The following AGBL1 variants were observed in gnomAD, a reference collection of about 807,000 sequenced individuals.
AGBL1 encodes the protein cytosolic carboxypeptidase 4.
A neutral mutation model predicts 118.9 loss-of-function variants in AGBL1; 130 were observed. The observed-to-expected ratio is 1.09, with a 90% confidence interval of 0.95 to 1.26. The LOEUF is 1.26. Among genes scored for constraint, AGBL1 ranks in the 50% most tolerant of loss-of-function variants. AGBL1 has a pLI of 0.00. For missense variants in AGBL1, 1,584 were observed against 1,298.1 expected (o/e 1.22, Z -3.38); for synonymous variants, 555 against 478.9 (o/e 1.16, Z -2.08).
intron 1 of AGBL1, among the ~76,000 whole-genome samples, chr15:86,118,037 T>A (rs1897868717): frequency 6.6e-6 from 1 of 152,236 alleles, no homozygotes; most frequent in African/African-American, 2.4e-5. Flanking sequence ...CACATTAAAC[T>A]GCTATCTCTG....
chr15:86,974,685 T>TA lies in AGBL1; in HGVS notation c.3222-13294dup, dbSNP rs1378648640. On this transcript the variant is annotated intron_variant, in intron 23 of 24. Transcript: ENST00000441037. ...AAAGATCAAAAGGAATAATAGCAAG[T>TA]AAAAAAAACAGTGATCAGAACAGAG... Among the ~76,000 whole-genome samples, 6 of 148,934 alleles carry TA rather than the reference T, an allele frequency of 4.0e-5. No individual in the cohort carries two copies. The South Asian group carries it at 1.1e-3, about 26-fold the overall frequency.
chr15:86,106,493 G>A (rs1431227310), intron 1 of AGBL1, among the ~76,000 whole-genome samples: 1 of 152,204 alleles, frequency 6.6e-6, no homozygotes, highest in Non-Finnish European at 1.5e-5. Context: ...GGGCAATTTT[G>A]CCCCCAGGGG....
chr15:86,262,793 A>G lies in AGBL1; in HGVS notation c.985A>G (p.Thr329Ala). Residue 329 changes from threonine to alanine, a missense_variant, in exon 10 of 23, where the codon ACA becomes GCA. Thr to Ala is a moderately conservative substitution (Grantham distance 58). Coordinates refer to ENST00000614907, the MANE Select transcript of AGBL1 (RefSeq NM_001386094.1). ...DGKVEDDDLETDVNKLSSKPG... is the reference protein window; with the variant it reads ...DGKVEDDDLEADVNKLSSKPG... Reference sequence around the variant, plus strand: ...TCCATTTTAGGATGATGACTTGGAAACAGACGTGAACAAGCTGAGTTCCAA... The same window carrying G: ...TCCATTTTAGGATGATGACTTGGAAGCAGACGTGAACAAGCTGAGTTCCAA... The G allele has an allele frequency of 6.2e-7, 1 of 1,606,406 alleles. No homozygotes were observed.
intron 24 of AGBL1, among the ~76,000 whole-genome samples, chr15:86,992,748 T>C (rs1039476425): frequency 1.3e-5 from 2 of 151,454 alleles, no homozygotes; most frequent in African/African-American, 4.9e-5. Context: ...TTCACCTCCA[T>C]GCCTAATGCT....
intron 4 of AGBL1, among the ~76,000 whole-genome samples, chr15:86,156,794 C>CTTTT (rs773611214): frequency 1.9e-5 from 2 of 105,546 alleles, no homozygotes; most frequent in Admixed American, 9.8e-5. Flanking sequence ...TCTTTTCTTT[C>CTTTT]TTTTTTTTTT....
intron 17 of AGBL1, among the ~76,000 whole-genome samples, chr15:86,354,406 T>C (rs2080680362): frequency 6.6e-6 from 1 of 152,356 alleles, no homozygotes; most frequent in South Asian, 2.1e-4. Flanking sequence ...GGCCTACTCA[T>C]GTTCGTTAGA....
At position 86,241,564 on chromosome 15, in the gene AGBL1, T is replaced by A. The variant is rs540778038; in HGVS notation, c.527-6107T>A. Among the ~76,000 whole-genome samples the A allele has an allele frequency of 3.3e-5, 5 of 152,186 alleles. No homozygotes were observed. In the South Asian group the frequency reaches 6.2e-4, roughly 19 times the overall value. On this transcript the variant is annotated intron_variant, in intron 6 of 22. Coordinates refer to ENST00000614907, the MANE Select transcript of AGBL1 (RefSeq NM_001386094.1). ...AGGCTGGGAAGTCCAAGATCAAGGGTGTGGCATCTGGTGAGGGCCTTCTTG... is the reference window on the plus strand; with the variant it reads ...AGGCTGGGAAGTCCAAGATCAAGGGAGTGGCATCTGGTGAGGGCCTTCTTG...
At chr15:86,417,274 T>C (rs751900747) in intron 18 of AGBL1, among the ~76,000 whole-genome samples, 1 of 152,216 alleles carries the variant, frequency 6.6e-6, no homozygotes, top group African/African-American at 2.4e-5. Flanking sequence ...GTAAGTTGAA[T>C]TACTCTTCTT....
intron 22 of AGBL1, among the ~76,000 whole-genome samples, chr15:86,850,279 TCATC>T (rs58327746): frequency 0.17 from 25,119 of 152,206 alleles, 2,173 homozygotes; most frequent in South Asian, 0.25. Flanking sequence ...ATTCATTTCT[TCATC>T]CATTATTTTA....
At chr15:86,921,146 C>T (rs1389497557), downstream of AGBL1, among the ~76,000 whole-genome samples, 1 of 152,172 alleles carries the variant, frequency 6.6e-6, no homozygotes, top group Non-Finnish European at 1.5e-5. Context: ...AAAGTTGGGA[C>T]ATTTCGAAGT....
chr15:86,108,380 C>T (rs377678889), intron 1 of AGBL1, among the ~76,000 whole-genome samples: 19 of 152,240 alleles, frequency 1.2e-4, no homozygotes, highest in African/African-American at 4.6e-4. Context: ...TAGATAGATA[C>T]AGCTATAGCT....
rs1221215471 is a variant in AGBL1, at chr15:87,002,558, T to C, written c.3323+14470T>C. ...ATGGGGATGGCACTGAATCTATAAA[T>C]TACCTTGGGCAGTATGGCCATTTTC... On this transcript the variant is annotated intron_variant, in intron 24 of 24. Coordinates refer to the AGBL1 transcript ENST00000441037. 7.2e-5 allele frequency among the ~76,000 whole-genome samples: 11 copies of C among 152,040 alleles called. No individual in the cohort carries two copies. In the South Asian group the frequency reaches 2.1e-3, roughly 29 times the overall value.
intron 21 of AGBL1, among the ~76,000 whole-genome samples, chr15:86,564,456 G>A (rs988260908): frequency 6.6e-6 from 1 of 152,136 alleles, no homozygotes; most frequent in African/African-American, 2.4e-5. Context: ...TTGAATGTTG[G>A]CCCCCACTCT....
At chr15:86,651,818 CAA>C (rs1161704051) in intron 21 of AGBL1, among the ~76,000 whole-genome samples, 1 of 152,152 alleles carries the variant, frequency 6.6e-6, no homozygotes, top group Non-Finnish European at 1.5e-5. Context: ...GAATGTCTGA[CAA>C]AGTATTGTCT....
intron 21 of AGBL1, among the ~76,000 whole-genome samples, chr15:86,663,913 C>T (rs766384638): frequency 3.9e-4 from 59 of 152,092 alleles, no homozygotes; most frequent in Admixed American, 1.2e-3. Flanking sequence ...GTCTCTGATT[C>T]ACATTTACCC....
At chr15:86,938,345 C>T (rs769655910) in intron 23 of AGBL1, among the ~76,000 whole-genome samples, 2 of 152,156 alleles carry the variant, frequency 1.3e-5, no homozygotes, top group African/African-American at 2.4e-5. Flanking sequence ...TCAGTAACCT[C>T]GCTGTGACCA....
At chr15:86,109,877 A>G (rs576496414) in intron 1 of AGBL1, 29 of 152,344 alleles carry the variant, frequency 1.9e-4, no homozygotes, top group African/African-American at 6.3e-4. Flanking sequence ...AGCCATTGCT[A>G]TAATCAGATG....
chr15:86,758,981 A>G (rs922601512), intron 22 of AGBL1, among the ~76,000 whole-genome samples: 20 of 147,874 alleles, frequency 1.4e-4, no homozygotes, highest in Non-Finnish European at 2.8e-4. Flanking sequence ...AAAAAAAAAA[A>G]AAAGAAAAAA....
At chr15:87,017,893 A>G (rs141582675) in intron 24 of AGBL1, among the ~76,000 whole-genome samples, 6 of 152,270 alleles carry the variant, frequency 3.9e-5, no homozygotes, top group South Asian at 2.1e-4. Context: ...GAGAAGCTAT[A>G]ATCATCATAA....
Sources: allele counts gnomAD v4.1 joint callset (sites outside exome capture counted in the v4.1 genomes callset), GRCh38; gene constraint gnomAD v4.1.1; transcripts MANE v1.5; gene names NCBI Gene and HGNC (gene_info 2026-07-23, HGNC 2026-07-21).